ABHD2: variants seen among roughly 807,000 people sequenced by gnomAD.
ABHD2 encodes monoacylglycerol lipase ABHD2.
Under a neutral mutation model 48.1 loss-of-function variants are expected in ABHD2, and 20 were observed. The ratio of observed to expected loss-of-function variants is 0.42; its 90% confidence interval spans 0.29 to 0.60. ABHD2 has a LOEUF of 0.60. Ranked by LOEUF, ABHD2 falls within the 20% of genes least tolerant of loss-of-function variation. The probability of loss-of-function intolerance (pLI) is 0.24; values close to 1 mark genes in which losing one functional copy is unlikely to be tolerated. For synonymous variants in ABHD2, 209 were observed against 214.2 expected (o/e 0.98, Z 0.21); for missense variants, 405 against 550.9 (o/e 0.74, Z 2.65).
chr15:89,084,209 T>TA (rs3049684), upstream of ABHD2, among the ~76,000 whole-genome samples: 24,182 of 138,680 alleles, frequency 0.17, 2,233 homozygotes, highest in Admixed American at 0.23. This position sits in a 1 kb window ranked among gnomAD's most constrained non-coding sequence, Gnocchi z 4.4. Context: ...TTTGCTAGTG[T>TA]AAAAAAAAAA....
chr15:89,112,792 G>A (rs551168104), intron 1 of ABHD2, among the ~76,000 whole-genome samples: 1 of 152,190 alleles, frequency 6.6e-6, no homozygotes, highest in Non-Finnish European at 1.5e-5. Context: ...AGCACAGCAT[G>A]GTGATTAAGA....
At chr15:89,187,954 A>C (rs1057363039) in intron 7 of ABHD2, among the ~76,000 whole-genome samples, 6 of 152,200 alleles carry the variant, frequency 3.9e-5, no homozygotes, top group African/African-American at 1.2e-4. Context: ...AAGGTTTTTT[A>C]ATATTCAACT....
the ABHD2 span, among the ~76,000 whole-genome samples, chr15:89,064,439 A>G: frequency 6.6e-6 from 1 of 151,980 alleles, no homozygotes; most frequent in Admixed American, 6.6e-5. Context: ...CGTGTTAGCC[A>G]GGATGGTCTC....
chr15:89,119,342 C>T lies in ABHD2; in HGVS notation c.194+2821C>T, dbSNP rs529346518. 3.3e-5 allele frequency among the ~76,000 whole-genome samples: 5 copies of T among 151,984 alleles called. 1 individual carries two copies. The South Asian group carries it at 6.2e-4, about 19-fold the overall frequency. ...AAGGGCAAAAGGATTCACTTTATTG[C>T]CCCCCCATCCTTCAACTCACCTCTT... On this transcript the variant is annotated intron_variant, in intron 3 of 10. Coordinates refer to ENST00000352732, the MANE Select transcript of ABHD2 (RefSeq NM_152924.5).
the ABHD2 span, among the ~76,000 whole-genome samples, chr15:89,045,434 A>G: frequency 3.3e-5 from 5 of 152,326 alleles, no homozygotes; most frequent in Admixed American, 2.6e-4. Flanking sequence ...CAATTCTGTG[A>G]AGAAAGTCAT....
Position 89,188,076 on chromosome 15 carries a change from A to G in ABHD2, c.816-117A>G, listed in dbSNP as rs2051241346. 2.6e-6 allele frequency: 2 copies of G among 756,184 alleles called. No individual in the cohort carries two copies. The highest frequency in any genetic ancestry group is 1.7e-5 in the African/African-American group (1 of 57,836). 46.8% of individuals were successfully genotyped at this position (756,184 alleles called of 1,614,324 possible). A position where few individuals can be genotyped will look rare whatever the true frequency, so the allele number is the denominator to read the frequency against. ...GGACATTCCAAAGGCTAAAGGTTCTATTTCTAACTGACCACGTTGGCTCTC... is the reference window on the plus strand; with the variant it reads ...GGACATTCCAAAGGCTAAAGGTTCTGTTTCTAACTGACCACGTTGGCTCTC... On this transcript the variant is annotated intron_variant, in intron 7 of 10. Coordinates refer to ENST00000352732, the MANE Select transcript of ABHD2 (RefSeq NM_152924.5). This position sits in a 1 kb window ranked among gnomAD's most constrained non-coding sequence, Gnocchi z 4.1.
upstream of ABHD2, among the ~76,000 whole-genome samples, chr15:89,084,711 G>A (rs571970264): frequency 1.3e-5 from 2 of 152,336 alleles, no homozygotes; most frequent in African/African-American, 4.8e-5. The surrounding 1 kb of genome is among the most constrained non-coding windows in gnomAD (Gnocchi z 4.4). Flanking sequence ...CTTAGAGGAA[G>A]GTTCTGAAAT....
Position 89,182,342 on chromosome 15 carries a change from C to A in ABHD2, c.723-3082C>A, listed in dbSNP as rs971878747. Reference sequence around the variant, plus strand: ...AGCCATTCCCTCCCTGTAATTCTGCCCGAGCTGCCCCTCCCAGGGTTCCAC... The same window carrying A: ...AGCCATTCCCTCCCTGTAATTCTGCACGAGCTGCCCCTCCCAGGGTTCCAC... On this transcript the variant is annotated intron_variant, in intron 6 of 10. Transcript: ENST00000352732. The surrounding 1 kb of genome is among the most constrained non-coding windows in gnomAD (Gnocchi z 4.8). Among the ~76,000 whole-genome samples the A allele has an allele frequency of 4.6e-5, 7 of 152,162 alleles. No individual in the cohort carries two copies. The highest frequency in any genetic ancestry group is 1.7e-4 in the African/African-American group (7 of 41,432).
At chr15:89,052,542 GACA>G in the ABHD2 span, among the ~76,000 whole-genome samples, 24 of 139,044 alleles carry the variant, frequency 1.7e-4, no homozygotes, top group South Asian at 4.4e-4. Flanking sequence ...CAGACAGACA[GACA>G]GACAGACAGA....
In ABHD2 at chr15:89,201,742, TG is replaced by T; in HGVS notation, c.*6322del. 3.2e-6 allele frequency: 5 copies of T among 1,577,916 alleles called. No homozygotes were observed. On this transcript the variant is annotated 3_prime_UTR_variant, in exon 11 of 11. Transcript: ENST00000352732. ...AAGGGGCCTTTGAATTTGAGGTCTA[TG>T]GGCGGGTCGAGGACCAGGATCTGCT...
In ABHD2 at chr15:89,092,304, G is replaced by A. The variant is rs904071178; in HGVS notation, c.-107+3741G>A. On this transcript the variant is annotated intron_variant, in intron 1 of 10. Transcript: ENST00000352732. The surrounding 1 kb of genome is among the most constrained non-coding windows in gnomAD (Gnocchi z 4.4). ...AGAGAAGTGGAACGTTGGTACCCTT[G>A]GATTTGCCTGGTTTCTGATTTTCTT... is the stretch of plus-strand genomic sequence containing the variant. Among the ~76,000 whole-genome samples, 1 of 152,090 alleles carries A rather than the reference G, an allele frequency of 6.6e-6. No homozygotes were observed. The highest frequency in any genetic ancestry group is 2.4e-5 in the African/African-American group (1 of 41,424).
the ABHD2 span, among the ~76,000 whole-genome samples, chr15:89,075,636 G>T: frequency 4.2e-3 from 647 of 152,288 alleles, 7 homozygotes; most frequent in African/African-American, 0.015. This position sits in a 1 kb window ranked among gnomAD's most constrained non-coding sequence, Gnocchi z 4.1. Context: ...TTTGGGCAAT[G>T]GGAAGCTATT....
At position 89,140,228 on chromosome 15, in the gene ABHD2, A is replaced by G. The variant is rs528502975; in HGVS notation, c.195-11449A>G. 2.6e-5 allele frequency among the ~76,000 whole-genome samples: 4 copies of G among 152,310 alleles called. No individual in the cohort carries two copies. The South Asian group carries it at 8.3e-4, about 32-fold the overall frequency. On this transcript the variant is annotated intron_variant, in intron 3 of 10. Transcript: ENST00000352732. ...TTAGCAGTTCTTTTCCTCAAGCTCT[A>G]CTGAAAGACCTGTGGACCTGACATT...
At chr15:89,072,437 C>G in the ABHD2 span, among the ~76,000 whole-genome samples, 1 of 151,122 alleles carries the variant, frequency 6.6e-6, no homozygotes, top group Non-Finnish European at 1.5e-5. Context: ...GATTGTGCCA[C>G]TGCTCTCCAG....
At chr15:89,098,481 A>G (rs1031963064) in intron 1 of ABHD2, among the ~76,000 whole-genome samples, 2 of 152,098 alleles carry the variant, frequency 1.3e-5, no homozygotes, top group Non-Finnish European at 2.9e-5. Flanking sequence ...GCCATAGAGG[A>G]GGCTTTCCAC....
At chr15:89,129,792 T>TA (rs1013730794) in intron 3 of ABHD2, among the ~76,000 whole-genome samples, 449 of 141,772 alleles carry the variant, frequency 3.2e-3, no homozygotes, top group Non-Finnish European at 4.6e-3. Flanking sequence ...GTATGCTGAT[T>TA]AAAAAAAAAA....
In ABHD2 at chr15:89,185,924, G is replaced by A. The variant is rs568600844; in HGVS notation, c.815+408G>A. Among the ~76,000 whole-genome samples the A allele has an allele frequency of 1.4e-4, 21 of 152,272 alleles. No individual in the cohort carries two copies. The highest frequency in any genetic ancestry group is 2.1e-4 in the Non-Finnish European group (14 of 68,026). On this transcript the variant is annotated intron_variant, in intron 7 of 10. Coordinates refer to ENST00000352732, the MANE Select transcript of ABHD2 (RefSeq NM_152924.5). The surrounding 1 kb of genome is among the most constrained non-coding windows in gnomAD (Gnocchi z 5.9). ...GGAGGCTGCAGCGAGCCAAGATTGC[G>A]CCAATGCACCCCAGCCTGGGTGACA...
In ABHD2 at chr15:89,181,369, G is replaced by A. The variant is rs143567792; in HGVS notation, c.723-4055G>A. 5.9e-3 allele frequency among the ~76,000 whole-genome samples: 891 copies of A among 152,020 alleles called. 7 individuals carry two copies. Among genetic ancestry groups the A allele is most frequent in the East Asian group, 0.016 (81 of 5,180 alleles). On this transcript the variant is annotated intron_variant, in intron 6 of 10. Coordinates refer to ENST00000352732, the MANE Select transcript of ABHD2 (RefSeq NM_152924.5). ...TACAAGTAAAAATACTTCTTAGGTC[G>A]GTGTGATAGCATTATGGGAAAGTAC...
intron 7 of ABHD2, among the ~76,000 whole-genome samples, chr15:89,187,318 G>A (rs6496561): frequency 0.9 from 136,508 of 152,306 alleles, 61,379 homozygotes; most frequent in East Asian, 1. Flanking sequence ...CCAAACATTT[G>A]GAAATTTTAG....
Sources: allele counts gnomAD v4.1 joint callset (sites outside exome capture counted in the v4.1 genomes callset), GRCh38; gene constraint gnomAD v4.1.1; non-coding constraint Gnocchi (gnomAD v3.1); transcripts MANE v1.5; gene names NCBI Gene and HGNC (gene_info 2026-07-23, HGNC 2026-07-21).